The following DLST variants were observed in gnomAD, a reference collection of about 807,000 sequenced individuals.
The protein encoded by DLST is dihydrolipoyllysine-residue succinyltransferase component of 2-oxoglutarate dehydrogenase complex, mitochondrial.
A neutral mutation model predicts 53.1 loss-of-function variants in DLST; 17 were observed. That is an observed-to-expected ratio of 0.32 (90% CI 0.22 to 0.48). The LOEUF (loss-of-function observed/expected upper bound fraction) is 0.48. DLST is among the 20% of genes least tolerant of loss of function. The pLI is 0.99. For missense variants in DLST, 512 were observed against 583.9 expected, an observed-to-expected ratio of 0.88 and a Z score of 1.27; for synonymous variants, 206 against 204.8, an observed-to-expected ratio of 1.01 and a Z score of -0.05.
chr14:74,892,324 G>A (rs1259234449), intron 7 of DLST, among the ~76,000 whole-genome samples: 6 of 152,070 alleles, frequency 3.9e-5, no homozygotes. Flanking sequence ...CTTGTGATCC[G>A]CCTGCCTTGG....
At chr14:74,884,718 G>A (rs150807247) in intron 2 of DLST, among the ~76,000 whole-genome samples, 54 of 152,300 alleles carry the variant, frequency 3.5e-4, no homozygotes, top group African/African-American at 1.2e-3. Context: ...GCACTGCATA[G>A]TCATTGGCTG....
intron 12 of DLST, 33 bp downstream of exon 12, chr14:74,900,029 C>T (rs1397623461): frequency 6.5e-7 from 1 of 1,536,756 alleles, no homozygotes; most frequent in Non-Finnish European, 9.0e-7. Context: ...GAATGTTGGT[C>T]TTAGACCCTC....
At chr14:74,900,459 T>C (rs1884209436) in intron 13 of DLST, 87 bp downstream of exon 13, 3 of 1,234,952 alleles carry the variant, frequency 2.4e-6, no homozygotes, top group African/African-American at 1.5e-5. Flanking sequence ...GCAGTGCTCA[T>C]GGAAAGTCAA....
chr14:74,898,020 T>A (rs959426168), intron 10 of DLST, among the ~76,000 whole-genome samples: 1 of 151,992 alleles, frequency 6.6e-6, no homozygotes, highest in Non-Finnish European at 1.5e-5. Flanking sequence ...TTTAAAAAAT[T>A]TTTTTTCAGG....
At chr14:74,890,877 C>T (rs1341489157) in intron 6 of DLST, among the ~76,000 whole-genome samples, 179 bp from the exon 7 acceptor site, 1 of 151,878 alleles carries the variant, frequency 6.6e-6, no homozygotes, top group African/African-American at 2.4e-5. Context: ...GGGGTTTCAC[C>T]ATGTTGGCCA....
intron 8 of DLST, 97 bp downstream of exon 8, chr14:74,893,083 C>A: frequency 7.1e-7 from 1 of 1,412,116 alleles, no homozygotes; most frequent in Non-Finnish European, 9.5e-7. Flanking sequence ...TCTGAACAGG[C>A]CAGGTTGGCT....
In DLST at chr14:74,901,173, T is replaced by C. The variant is rs1594882894; in HGVS notation, c.1167T>C (p.Pro389=). Residue 389 remains proline, a synonymous_variant, in exon 14 of 15, where the codon CCT becomes CCC. Coordinates refer to ENST00000334220, the MANE Select transcript of DLST (RefSeq NM_001933.5). ...TTGGAACACCCATTATCAACCCCCC[T>C]CAGTCTGCCATCCTGGGGATGCATG... The part of the protein sequence containing the change: ...SLFGTPIINP[P]QSAILGMHGI... 1 of 1,593,016 alleles carries C rather than the reference T, an allele frequency of 6.3e-7. No individual in the cohort carries two copies. The highest frequency in any genetic ancestry group is 8.6e-7 in the Non-Finnish European group (1 of 1,167,254).
In DLST at chr14:74,902,991, TAGA is replaced by T. The variant is rs1469876964; in HGVS notation, c.*664_*666del. 6.6e-6 allele frequency: 1 copy of T among 152,624 alleles called. No homozygotes were observed. The highest frequency in any genetic ancestry group is 1.5e-5 in the Non-Finnish European group (1 of 68,064). 9.5% of individuals were successfully genotyped at this position (152,624 alleles called of 1,614,324 possible). ...CTGAGGTCATGCATTGTAATCATCA[TAGA>T]AGGAGAGCCCAGGCCTGCCCTCACG... On this transcript the variant is annotated 3_prime_UTR_variant, in exon 15 of 15. Transcript: ENST00000334220.
In DLST at chr14:74,891,115, TG is replaced by T; in HGVS notation, c.395del (p.Gly132GlufsTer71). 2 of 1,614,122 alleles carry T rather than the reference TG, an allele frequency of 1.2e-6. No homozygotes were observed. The highest frequency in any genetic ancestry group is 1.7e-6 in the Non-Finnish European group (2 of 1,180,010). On this transcript the variant is annotated frameshift_variant, in exon 7 of 15. Transcript: ENST00000334220. LOFTEE classifies it high-confidence loss of function. The stretch of plus-strand genomic sequence containing the variant: ...TGATTGAAGCTCTTTTGGTACCTGA[TG>T]GGGGAAAAGTCGAAGGAGGCACTCC... ...GVIEALLVPD[G>X]GKVEGGTPLF...
rs573322199 is a variant in DLST at position 74,902,326 on chromosome 14, T to G, written c.1358T>G (p.Leu453Arg). ...GATCCCAGAGTCCTCCTCCTGGATC[T>G]TTAGGAGGAACCCACACACCCTACA... Reference protein sequence around the residue: ...VEDPRVLLLDL With the variant: ...VEDPRVLLLDR Residue 453 changes from leucine to arginine, a missense_variant, in exon 15 of 15, where the codon CTT becomes CGT. Around this residue, in one of 4 missense-constraint regions of DLST, gnomAD observed 186 missense variants for 260.4 expected, o/e 0.71. Coordinates refer to ENST00000334220, the MANE Select transcript of DLST (RefSeq NM_001933.5). 6.2e-7 allele frequency: 1 copy of G among 1,610,214 alleles called. No homozygotes were observed. The highest frequency in any genetic ancestry group is 2.2e-5 in the East Asian group (1 of 44,808).
chr14:74,899,995 G>C lies in DLST; in HGVS notation c.974G>C (p.Arg325Pro), dbSNP rs1025995190. 34 of 1,612,124 alleles carry C rather than the reference G, an allele frequency of 2.1e-5. No homozygotes were observed. Among genetic ancestry groups the C allele is most frequent in the Non-Finnish European group, 2.8e-5 (33 of 1,178,584 alleles). ...IDISVAVATP[R>P]GLVVPVIRNV... ...ATCAGTGTTGCAGTGGCCACCCCACGGGTATGTTGGGGCAGGAGGTGGGGA... is the reference window on the plus strand; with the variant it reads ...ATCAGTGTTGCAGTGGCCACCCCACCGGTATGTTGGGGCAGGAGGTGGGGA... The change falls in exon 12 of 15, where the codon CGG becomes CCG. Residue 325 changes from arginine to proline, a missense_variant and splice_region_variant. Arg to Pro is a moderately radical substitution (Grantham distance 103). Coordinates refer to ENST00000334220, the MANE Select transcript of DLST (RefSeq NM_001933.5).
Position 74,900,380 on chromosome 14 carries a change from A to G in DLST, c.1059+8A>G. 6.2e-7 allele frequency: 1 copy of G among 1,612,512 alleles called. No homozygotes were observed. The highest frequency in any genetic ancestry group is 1.7e-4 in the Middle Eastern group (1 of 6,056). ...ACTGAACTGGGAGAGAAGGTAAAGT[A>G]GAAAGATGTATACAAGCTGCTAAGC... On this transcript the variant is annotated splice_region_variant and intron_variant, in intron 13 of 14. Coordinates refer to ENST00000334220, the MANE Select transcript of DLST (RefSeq NM_001933.5).
At chr14:74,901,626 G>A (rs1884248375) in intron 14 of DLST, among the ~76,000 whole-genome samples, 2 of 152,190 alleles carry the variant, frequency 1.3e-5, no homozygotes, top group South Asian at 4.1e-4. Flanking sequence ...GATAAAGCTT[G>A]TAAATTTCCC....
chr14:74,891,901 G>A (rs1883921241), intron 7 of DLST: 1 of 978,772 alleles, frequency 1.0e-6, no homozygotes, highest in Admixed American at 6.2e-5. Context: ...TAGAAGGCTG[G>A]GAAATAAGGT....
Position 74,901,156 on chromosome 14 carries a change from C to G in DLST, c.1150C>G (p.Pro384Ala). The G allele has an allele frequency of 6.2e-7, 1 of 1,614,194 alleles. No homozygotes were observed. The highest frequency in any genetic ancestry group is 1.3e-5 in the African/African-American group (1 of 75,044). ...GGVFGSLFGTPIINPPQSAIL... is the reference protein window; with the variant it reads ...GGVFGSLFGTAIINPPQSAIL... The stretch of plus-strand genomic sequence containing the variant: ...CGTTTTTGGCTCGCTCTTTGGAACA[C>G]CCATTATCAACCCCCCTCAGTCTGC... Residue 384 changes from proline to alanine, a missense_variant, in exon 14 of 15, where the codon CCC (proline) becomes GCC (alanine). Transcript: ENST00000334220.
chr14:74,891,272 C>T, intron 7 of DLST, 105 bp downstream of exon 7: 1 of 1,549,136 alleles, frequency 6.5e-7, no homozygotes, highest in Non-Finnish European at 8.8e-7. Flanking sequence ...CTTGTCATTC[C>T]AGCTGCCCTT....
chr14:74,896,486 T>G (rs1242616353), intron 10 of DLST, among the ~76,000 whole-genome samples: 2 of 152,208 alleles, frequency 1.3e-5, no homozygotes, highest in Non-Finnish European at 2.9e-5. Flanking sequence ...GAAATTTGCT[T>G]TTCTTTGGAA....
rs368414530 is a variant in DLST, at chr14:74,891,041, G to A, written c.331-15G>A. The A allele has an allele frequency of 6.1e-5, 98 of 1,603,742 alleles. No individual in the cohort carries two copies. The highest frequency in any genetic ancestry group is 2.1e-4 in the Middle Eastern group (1 of 4,790). Reference sequence around the variant, plus strand: ...ATAAACATTTGGACTTCCTCCATCTGTCTTCCTCTTCCAGACATCTGTGCA... The same window carrying A: ...ATAAACATTTGGACTTCCTCCATCTATCTTCCTCTTCCAGACATCTGTGCA... On this transcript the variant is annotated splice_polypyrimidine_tract_variant and intron_variant, in intron 6 of 14. Coordinates refer to ENST00000334220, the MANE Select transcript of DLST (RefSeq NM_001933.5).
At position 74,902,279 on chromosome 14, in the gene DLST, C is replaced by T. The variant is rs761689848; in HGVS notation, c.1311C>T (p.Arg437=). Residue 437 remains arginine (R), a synonymous_variant, in exon 15 of 15, where the codon CGC becomes CGT. Transcript: ENST00000334220. ...IDGREAVTFL[R]KIKAAVEDPR... ...GCAGAGAGGCTGTGACTTTCCTCCG[C>T]AAAATCAAGGCAGCGGTAGAGGATC... 6.2e-7 allele frequency: 1 copy of T among 1,613,446 alleles called. No individual in the cohort carries two copies. The highest frequency in any genetic ancestry group is 1.3e-5 in the African/African-American group (1 of 75,016).
Sources: allele counts gnomAD v4.1 joint callset (sites outside exome capture counted in the v4.1 genomes callset), GRCh38; gene constraint gnomAD v4.1.1; regional missense constraint gnomAD v4.1.1; transcripts MANE v1.5; gene names NCBI Gene and HGNC (gene_info 2026-07-23, HGNC 2026-07-21).